The following RUFY1 variants were observed in gnomAD, a reference collection of about 807,000 sequenced individuals.
RUFY1 encodes the protein RUN and FYVE domain-containing protein 1.
In RUFY1, 54 loss-of-function variants were observed where a neutral mutation model predicts 94.6. The ratio of observed to expected loss-of-function variants is 0.57; its 90% CI spans 0.46 to 0.72. The LOEUF is 0.72. Ranked by LOEUF, RUFY1 falls within the 30% of genes least tolerant of loss-of-function variation. The pLI is 0.00. For missense variants in RUFY1, 883 were observed against 883.9 expected (o/e 1.00, Z 0.01); for synonymous variants, 396 against 347.3 (o/e 1.14, Z -1.56).
intron 2 of RUFY1, among the ~76,000 whole-genome samples, chr5:179,560,739 A>AG (rs1248516713): frequency 2.6e-5 from 4 of 151,192 alleles, no homozygotes; most frequent in African/African-American, 9.7e-5. Flanking sequence ...AAAAAAAAAA[A>AG]AAAAGAAAAA....
At chr5:179,563,332 G>A (rs1762585173) in intron 3 of RUFY1, among the ~76,000 whole-genome samples, 1 of 152,164 alleles carries the variant, frequency 6.6e-6, no homozygotes, top group South Asian at 2.1e-4. Context: ...TCAATGACAG[G>A]CATTGTGCTG....
At chr5:179,605,764 CT>C in intron 15 of RUFY1, 111 bp from the exon 16 acceptor site, 1 of 764,870 alleles carries the variant, frequency 1.3e-6, no homozygotes, top group South Asian at 1.4e-5. Flanking sequence ...CGTTCTGGGT[CT>C]CCTCACAAGT....
chr5:179,578,098 G>C (rs1763802970), intron 6 of RUFY1, among the ~76,000 whole-genome samples: 1 of 152,098 alleles, frequency 6.6e-6, no homozygotes, highest in African/African-American at 2.4e-5. Flanking sequence ...ATGCCTTACA[G>C]GTATTTGTTG....
intron 17 of RUFY1, among the ~76,000 whole-genome samples, chr5:179,608,802 G>A (rs1262071505): frequency 6.6e-6 from 1 of 151,780 alleles, no homozygotes; most frequent in Non-Finnish European, 1.5e-5. Context: ...ACGGTGGCAG[G>A]CACTTGTAAT....
At position 179,550,865 on chromosome 5, in the gene RUFY1, G is replaced by A. The variant is rs1004025484; in HGVS notation, c.296G>A (p.Gly99Asp). The A allele has an allele frequency of 5.1e-6, 6 of 1,177,896 alleles. No individual in the cohort carries two copies. The highest frequency in any genetic ancestry group is 3.4e-4 in the Middle Eastern group (1 of 2,920). The allele number at this position is 1,177,896 out of a possible 1,614,324, so 73.0% of individuals were successfully genotyped here. A position where few individuals can be genotyped will look rare whatever the true frequency, so the allele number is the denominator to read the frequency against. ...CTGGGCGGCGGGGACAGCGGGGACG[G>A]CACGGCGCGCGCAGGTAGGCTCGGG... ...AGLGGGDSGD[G>D]TARAASKCQM... Residue 99 changes from glycine (G) to aspartate (D), a missense_variant, in exon 1 of 18, where the codon GGC (glycine) becomes GAC (aspartate). Physicochemically the swap from Gly to Asp is moderately conservative, Grantham distance 94. Transcript: ENST00000319449.
chr5:179,588,848 A>T (rs1764817968), intron 8 of RUFY1, among the ~76,000 whole-genome samples: 1 of 152,166 alleles, frequency 6.6e-6, no homozygotes, highest in African/African-American at 2.4e-5. Context: ...CTCCCACCTC[A>T]GCCTCCTAAG....
Position 179,584,707 on chromosome 5 carries a change from A to C in RUFY1, c.957-1089A>C, listed in dbSNP as rs991928628. The stretch of plus-strand genomic sequence containing the variant: ...AGCCTTGGAGGTTGAGGCTACAGTG[A>C]GCCATGATCACACCACTGCACTCCA... On this transcript the variant is annotated intron_variant, in intron 7 of 17. Coordinates refer to ENST00000319449, the MANE Select transcript of RUFY1 (RefSeq NM_025158.5). Among the ~76,000 whole-genome samples the C allele has an allele frequency of 2.0e-5, 3 of 152,126 alleles. No individual in the cohort carries two copies. In the East Asian group the frequency reaches 5.8e-4, roughly 29 times the overall value.
intron 14 of RUFY1, 36 bp from the exon 15 acceptor site, chr5:179,601,856 C>T (rs1404500882): frequency 2.1e-5 from 24 of 1,143,306 alleles, no homozygotes; most frequent in Non-Finnish European, 3.2e-5. Flanking sequence ...ACCGTGTAAT[C>T]CTCTGTCCAG....
chr5:179,558,759 G>T (rs1013943126), intron 1 of RUFY1, among the ~76,000 whole-genome samples: 1 of 151,966 alleles, frequency 6.6e-6, no homozygotes, highest in Non-Finnish European at 1.5e-5. Flanking sequence ...ATTTATTTAA[G>T]ACCTTTACTA....
In RUFY1 at chr5:179,550,640, C is replaced by T. The variant is rs1761776771; in HGVS notation, c.71C>T (p.Pro24Leu). ...CTGGAGCCGGAGCTGGAGCCGGGGC[C>T]GGGGCCCGGGTCAGCGCTTGAGCCG... ...RELEPELEPG[P>L]GPGSALEPGE... is the part of the protein sequence containing the mutation. Residue 24 changes from proline to leucine, a missense_variant, in exon 1 of 18, where the codon CCG becomes CTG. Physicochemically the swap from Pro to Leu is moderately conservative, Grantham distance 98. Coordinates refer to ENST00000319449, the MANE Select transcript of RUFY1 (RefSeq NM_025158.5). 2.8e-6 allele frequency: 4 copies of T among 1,406,296 alleles called. No homozygotes were observed. The highest frequency in any genetic ancestry group is 2.0e-5 in the African/African-American group (1 of 49,632). 87.1% of individuals were successfully genotyped at this position (1,406,296 alleles called of 1,614,324 possible).
chr5:179,562,272 G>A (rs572493329), intron 2 of RUFY1, among the ~76,000 whole-genome samples: 2 of 152,022 alleles, frequency 1.3e-5, no homozygotes, highest in Admixed American at 6.5e-5. Flanking sequence ...TTAGCCCGGC[G>A]TTGTGGGCAC....
chr5:179,585,555 G>C (rs1229800448), intron 7 of RUFY1, among the ~76,000 whole-genome samples: 1 of 152,168 alleles, frequency 6.6e-6, no homozygotes, highest in African/African-American at 2.4e-5. Context: ...CTCTAGTCTG[G>C]GCGACAGAGC....
At chr5:179,550,982 G>A (rs1761808413) in intron 1 of RUFY1, 103 bp downstream of exon 1, 2 of 936,274 alleles carry the variant, frequency 2.1e-6, no homozygotes, top group Admixed American at 1.2e-4. Flanking sequence ...GGCCGTTCCG[G>A]GAGGTTACGC....
chr5:179,550,841 TG>T lies in RUFY1; in HGVS notation c.275del (p.Gly92AlafsTer18). On this transcript the variant is annotated frameshift_variant, in exon 1 of 18. Transcript: ENST00000319449. LOFTEE classifies it high-confidence loss of function. ...AGCGCGCTGCGCGCGGCCGCGGGGC[TG>T]GGCGGCGGGGACAGCGGGGACGGCA... Reference protein sequence around the residue: ...CGSALRAAAGLGGGDSGDGTA... With the variant: ...CGSALRAAAGXGGGDSGDGTA... 8.2e-7 allele frequency: 1 copy of T among 1,225,864 alleles called. No homozygotes were observed. The highest frequency in any genetic ancestry group is 1.0e-6 in the Non-Finnish European group (1 of 987,766). The allele number at this position is 1,225,864 out of a possible 1,614,324, so 75.9% of individuals were successfully genotyped here. A position where few individuals can be genotyped will look rare whatever the true frequency, so the allele number is the denominator to read the frequency against.
At chr5:179,571,668 C>T (rs1763235961) in intron 5 of RUFY1, among the ~76,000 whole-genome samples, 1 of 152,158 alleles carries the variant, frequency 6.6e-6, no homozygotes, top group Admixed American at 6.5e-5. Flanking sequence ...TCATTATATA[C>T]ACCCACCAGC....
intron 5 of RUFY1, 92 bp from the exon 6 acceptor site, chr5:179,576,983 G>GAGATA: frequency 1.1e-6 from 1 of 889,834 alleles, no homozygotes; most frequent in Non-Finnish European, 1.9e-6. Flanking sequence ...TCATAGGAAA[G>GAGATA]AGATAAGAAT....
chr5:179,592,607 A>G (rs186804714), intron 10 of RUFY1, among the ~76,000 whole-genome samples: 1 of 152,170 alleles, frequency 6.6e-6, no homozygotes, highest in East Asian at 1.9e-4. Flanking sequence ...TTTCTTTGAC[A>G]ATACAATTCT....
At chr5:179,583,439 C>T (rs7710999) in intron 7 of RUFY1, among the ~76,000 whole-genome samples, 113,508 of 147,946 alleles carry the variant, frequency 0.77, 43,655 homozygotes, top group East Asian at 0.9. Context: ...TATTTTAAGA[C>T]GGAGTTTTGC....
chr5:179,554,949 C>T (rs1358304661), intron 1 of RUFY1, among the ~76,000 whole-genome samples: 3 of 151,452 alleles, frequency 2.0e-5, no homozygotes, highest in African/African-American at 7.3e-5. Context: ...GCCTGGGTGA[C>T]GAGCAAAATT....
Sources: gnomAD v4.1 joint callset for allele counts (sites outside exome capture counted in the v4.1 genomes callset) on GRCh38, gnomAD v4.1.1 for gene constraint, MANE v1.5 for transcripts, NCBI Gene and HGNC (gene_info 2026-07-23, HGNC 2026-07-21) for gene names.